Variants in PTGER3 observed in about 807,000 individuals in gnomAD.
The protein encoded by PTGER3 is prostaglandin E receptor 3.
PTGER3 carries 22 observed loss-of-function variants against 34.7 expected under a neutral mutation model. That is an observed-to-expected ratio of 0.63 (90% CI 0.45 to 0.91). PTGER3 has a LOEUF of 0.91. Ranked by LOEUF, PTGER3 falls within the 40% of genes least tolerant of loss-of-function variation. PTGER3 has a pLI of 0.00. For missense variants in PTGER3, 468 were observed against 519.4 expected, an observed-to-expected ratio of 0.90 and a Z score of 0.96; for synonymous variants, 241 against 230.1, an observed-to-expected ratio of 1.05 and a Z score of -0.43.
chr1:70,992,900 A>C (rs1307264891), intron 2 of PTGER3, among the ~76,000 whole-genome samples: 1 of 152,218 alleles, frequency 6.6e-6, no homozygotes, highest in Non-Finnish European at 1.5e-5. Flanking sequence ...TTTGAATACT[A>C]TAGCAACAGT....
chr1:70,882,138 T>C (rs1572538775), intron 4 of PTGER3, among the ~76,000 whole-genome samples: 1 of 152,350 alleles, frequency 6.6e-6, no homozygotes, highest in South Asian at 2.1e-4. Flanking sequence ...AGGCAGGCTT[T>C]GCCTGCTAGC....
Position 70,971,525 on chromosome 1 carries a change from A to T in PTGER3, c.*205T>A. 8.2e-7 allele frequency: 1 copy of T among 1,222,708 alleles called. No individual in the cohort carries two copies. The highest frequency in any genetic ancestry group is 1.0e-6 in the Non-Finnish European group (1 of 974,478). 75.7% of individuals were successfully genotyped at this position (1,222,708 alleles called of 1,614,324 possible). On this transcript the variant is annotated 3_prime_UTR_variant, in exon 4 of 4. Transcript: ENST00000306666. ...ATGCATATTCAAAATCCCATCCAAG[A>T]AACCAATCTAATATTCAGAGGCATG...
At chr1:71,029,235 T>G (rs1659195255) in intron 1 of PTGER3, among the ~76,000 whole-genome samples, 2 of 152,206 alleles carry the variant, frequency 1.3e-5, no homozygotes, top group Admixed American at 1.3e-4. Flanking sequence ...ATTGCGTGAT[T>G]TCTTTGGGCC....
intron 4 of PTGER3, among the ~76,000 whole-genome samples, chr1:70,917,031 A>T (rs182188987): frequency 6.6e-6 from 1 of 152,110 alleles, no homozygotes; most frequent in East Asian, 1.9e-4. Context: ...TCTTTGTGAC[A>T]ACATTTAAAA....
At chr1:71,034,877 A>T (rs868233059) in intron 1 of PTGER3, among the ~76,000 whole-genome samples, 1 of 152,310 alleles carries the variant, frequency 6.6e-6, no homozygotes, top group Middle Eastern at 3.4e-3. Flanking sequence ...TAGCTTTGCT[A>T]CCTTGAACAA....
chr1:70,929,200 T>A (rs6670616), intron 4 of PTGER3, among the ~76,000 whole-genome samples: 47,543 of 151,968 alleles, frequency 0.31, 8,945 homozygotes, highest in African/African-American at 0.53. Flanking sequence ...ACAGCTGTGT[T>A]TTGATTCCGC....
intron 2 of PTGER3, among the ~76,000 whole-genome samples, chr1:70,981,390 TCTTTC>T: frequency 1.5e-5 from 1 of 66,014 alleles, no homozygotes; most frequent in Non-Finnish European, 3.1e-5. Flanking sequence ...TTTCTTTCTT[TCTTTC>T]CTTCCTTCCT....
chr1:71,046,495 G>T (rs192385435), intron 1 of PTGER3, among the ~76,000 whole-genome samples, 186 bp downstream of exon 1: 1,981 of 152,292 alleles, frequency 0.013, 12 homozygotes, highest in Admixed American at 0.032. Context: ...CTTGGAAGGC[G>T]CTCAGCTAGT....
At chr1:70,966,644 C>T (rs1652553006), downstream of PTGER3, among the ~76,000 whole-genome samples, 1 of 152,016 alleles carries the variant, frequency 6.6e-6, no homozygotes, top group South Asian at 2.1e-4. Flanking sequence ...GTTTCCTTCT[C>T]TGTGTCCATG....
rs111276582 is a variant in PTGER3 at position 70,932,703 on chromosome 1, C to A, written c.*23+21060G>T. On this transcript the variant is annotated intron_variant, in intron 4 of 4. Coordinates refer to the PTGER3 transcript ENST00000370931. Reference sequence around the variant, plus strand: ...TATATTATCTCCCACCTGGTCCCTCCCACAACACGTGGGAATTATGGGAGT... The same window carrying A: ...TATATTATCTCCCACCTGGTCCCTCACACAACACGTGGGAATTATGGGAGT... Among the ~76,000 whole-genome samples the A allele has an allele frequency of 2.8e-3, 427 of 152,196 alleles. 2 individuals carry two copies. Among genetic ancestry groups the A allele is most frequent in the African/African-American group, 9.4e-3 (390 of 41,518 alleles).
At chr1:70,863,902 C>T (rs1216331568) in intron 4 of PTGER3, among the ~76,000 whole-genome samples, 3 of 151,882 alleles carry the variant, frequency 2.0e-5, no homozygotes, top group Non-Finnish European at 4.4e-5. Flanking sequence ...TATATTGGGA[C>T]ATGAAAAACA....
chr1:70,870,355 C>G (rs1557617465), intron 4 of PTGER3, among the ~76,000 whole-genome samples: 1 of 152,312 alleles, frequency 6.6e-6, no homozygotes, highest in East Asian at 1.9e-4. Flanking sequence ...CTGTGATGGG[C>G]TGTCTCAAAA....
chr1:71,020,002 T>G (rs542577660), intron 1 of PTGER3, among the ~76,000 whole-genome samples: 4 of 152,324 alleles, frequency 2.6e-5, no homozygotes, highest in Non-Finnish European at 5.9e-5. Context: ...CTACTGGAAA[T>G]TCCCCCCTAT....
chr1:71,035,896 T>A lies in PTGER3; in HGVS notation c.897+10785A>T, dbSNP rs191572136. 2.1e-3 allele frequency among the ~76,000 whole-genome samples: 322 copies of A among 152,364 alleles called. 1 individual carries two copies. Among genetic ancestry groups the A allele is most frequent in the African/African-American group, 7.4e-3 (306 of 41,594 alleles). On this transcript the variant is annotated intron_variant, in intron 1 of 3. Transcript: ENST00000306666. ...AGGTCTTATCTTGTAAGACTCGTCATAAATGACCTTTTTCCCAGAGATGCC... is the reference window on the plus strand; with the variant it reads ...AGGTCTTATCTTGTAAGACTCGTCAAAAATGACCTTTTTCCCAGAGATGCC...
intron 1 of PTGER3, among the ~76,000 whole-genome samples, chr1:71,040,506 G>A (rs781675102): frequency 5.9e-5 from 9 of 152,108 alleles, no homozygotes; most frequent in Non-Finnish European, 1.2e-4. Flanking sequence ...CTACTCGGGA[G>A]GCTGAGGCAC....
intron 2 of PTGER3, chr1:71,007,169 C>T (rs969044650): frequency 7.1e-6 from 7 of 985,682 alleles, no homozygotes; most frequent in Non-Finnish European, 8.4e-6. Flanking sequence ...GCTTTTGATA[C>T]TGATCTTTAC....
At chr1:70,917,787 T>G (rs1038802956) in intron 4 of PTGER3, among the ~76,000 whole-genome samples, 1 of 152,008 alleles carries the variant, frequency 6.6e-6, no homozygotes, top group Non-Finnish European at 1.5e-5. Flanking sequence ...ATTTGCAATT[T>G]CCTGATAATT....
chr1:70,981,307 C>T lies in PTGER3; in HGVS notation c.1078-6919G>A, dbSNP rs1388510799. 2.1e-5 allele frequency among the ~76,000 whole-genome samples: 3 copies of T among 140,008 alleles called. 1 individual carries two copies. Among genetic ancestry groups the T allele is most frequent in the African/African-American group, 5.3e-5 (2 of 37,436 alleles). The allele number at this position is 140,008 out of a possible 152,430, so 91.9% of individuals were successfully genotyped here. On this transcript the variant is annotated intron_variant, in intron 2 of 3. Transcript: ENST00000306666. ...CTCTCTCTCTCTTCCTTCCTTCCTT[C>T]CTTCCTTCCTTTCTTCTTTCTTTCT...
At chr1:71,007,862 T>C (rs1319880585) in intron 2 of PTGER3, 2 of 985,140 alleles carry the variant, frequency 2.0e-6, no homozygotes, top group African/African-American at 1.7e-5. Context: ...GATGCACAAA[T>C]GATAATAACT....
Sources: allele counts gnomAD v4.1 joint callset (sites outside exome capture counted in the v4.1 genomes callset), GRCh38; gene constraint gnomAD v4.1.1; transcripts MANE v1.5; gene names NCBI Gene and HGNC (gene_info 2026-07-23, HGNC 2026-07-21).